LCORL: variants seen among roughly 807,000 people sequenced by gnomAD.
LCORL encodes ligand-dependent nuclear receptor corepressor-like protein.
LCORL carries 41 observed loss-of-function variants against 141.8 expected under a neutral mutation model. That is an observed-to-expected ratio of 0.29 (90% CI 0.23 to 0.38). LCORL has a LOEUF of 0.38. Among genes scored for constraint, LCORL ranks in the 10% least tolerant of loss-of-function variants. The pLI is 1.00. For missense variants in LCORL, 1,759 were observed against 2,035.0 expected, an observed-to-expected ratio of 0.86 and a Z score of 2.61; for synonymous variants, 618 against 694.1, an observed-to-expected ratio of 0.89 and a Z score of 1.72.
At chr4:17,912,393 G>T in intron 4 of LCORL, 8 of 639,274 alleles carry the variant, frequency 1.3e-5, no homozygotes, top group South Asian at 9.6e-5. Context: ...GCTCTAGGGT[G>T]ACTGCGGAGG....
At chr4:18,018,718 AATTT>A (rs1484906797) in intron 1 of LCORL, among the ~76,000 whole-genome samples, 5 of 152,190 alleles carry the variant, frequency 3.3e-5, no homozygotes, top group African/African-American at 1.2e-4. Context: ...GCTCAATACT[AATTT>A]GCTGTACAAC....
chr4:17,894,699 T>C (rs1050042235), intron 5 of LCORL, among the ~76,000 whole-genome samples: 1 of 152,174 alleles, frequency 6.6e-6, no homozygotes, highest in South Asian at 2.1e-4. Context: ...GACTTTACTA[T>C]ACACACTTGT....
intron 1 of LCORL, among the ~76,000 whole-genome samples, chr4:18,009,157 G>C (rs1723277042): frequency 6.6e-6 from 1 of 151,972 alleles, no homozygotes; most frequent in African/African-American, 2.4e-5. Flanking sequence ...TGAAAACCAT[G>C]AGTTCGCACA....
At position 17,956,080 on chromosome 4, in the gene LCORL, G is replaced by A. The variant is rs578001798; in HGVS notation, c.430+5823C>T. On this transcript the variant is annotated intron_variant, in intron 4 of 7. Coordinates refer to ENST00000635767, the Ensembl canonical transcript of LCORL. ...ATGTTCAACATCACTAATCACCAGG[G>A]AAATAAATGCAATTCAAAACCACAG... Among the ~76,000 whole-genome samples the A allele has an allele frequency of 7.2e-5, 11 of 152,106 alleles. No homozygotes were observed. The South Asian group carries it at 1.5e-3, about 20-fold the overall frequency.
chr4:17,973,346 T>C (rs1716339397), intron 1 of LCORL, among the ~76,000 whole-genome samples: 1 of 151,998 alleles, frequency 6.6e-6, no homozygotes, highest in East Asian at 1.9e-4. Context: ...ATATGATGTA[T>C]AAAATTTAAA....
intron 4 of LCORL, among the ~76,000 whole-genome samples, chr4:17,928,483 A>T (rs139454452): frequency 6.6e-6 from 1 of 152,214 alleles, no homozygotes; most frequent in Non-Finnish European, 1.5e-5. Context: ...ATACAGAACA[A>T]AAGCTACATA....
intron 1 of LCORL, among the ~76,000 whole-genome samples, chr4:18,009,898 G>C (rs140545057): frequency 6.6e-6 from 1 of 152,030 alleles, no homozygotes; most frequent in Non-Finnish European, 1.5e-5. Flanking sequence ...CTTACATGAC[G>C]ATGTGGCTCT....
At chr4:17,972,698 T>C (rs539256278) in intron 2 of LCORL, 122 bp downstream of exon 2, 1 of 369,264 alleles carries the variant, frequency 2.7e-6, no homozygotes, top group South Asian at 1.2e-4. Flanking sequence ...AATTTTAAAA[T>C]ATTTTCTAAT....
At chr4:17,876,126 T>G in exon 7 of LCORL, 1 of 1,231,010 alleles carries the variant, frequency 8.1e-7, no homozygotes, top group East Asian at 3.2e-5. Context: ...ACTAGAATAG[T>G]TGGAAACAGA....
exon 7 of LCORL, chr4:17,878,174 C>A (rs1415157308): frequency 8.9e-6 from 11 of 1,229,628 alleles, no homozygotes; most frequent in Non-Finnish European, 1.1e-5. Context: ...TTCTTTTTTC[C>A]ATTTTAGTAG....
intron 4 of LCORL, among the ~76,000 whole-genome samples, chr4:17,948,953 C>T (rs935799551): frequency 2.6e-5 from 4 of 151,888 alleles, no homozygotes; most frequent in Non-Finnish European, 5.9e-5. Flanking sequence ...GTCTAAGCAG[C>T]GTAAGGGCTG....
chr4:17,943,060 A>G (rs1738231612), intron 4 of LCORL, among the ~76,000 whole-genome samples: 1 of 152,204 alleles, frequency 6.6e-6, no homozygotes, highest in Non-Finnish European at 1.5e-5. Flanking sequence ...TTGCCTGAGA[A>G]AAATTGTCTT....
chr4:17,992,498 T>G (rs1720198794), intron 1 of LCORL, among the ~76,000 whole-genome samples: 1 of 152,220 alleles, frequency 6.6e-6, no homozygotes, highest in South Asian at 2.1e-4. Context: ...GTTTTCATAA[T>G]GAAAATACGT....
intron 4 of LCORL, among the ~76,000 whole-genome samples, chr4:17,933,842 G>A (rs1736431015): frequency 6.6e-6 from 1 of 152,020 alleles, no homozygotes; most frequent in African/African-American, 2.4e-5. Context: ...AATTAGTGGT[G>A]CATTTGAATG....
chr4:18,018,356 CA>C (rs1460650206), intron 1 of LCORL, among the ~76,000 whole-genome samples: 2 of 151,996 alleles, frequency 1.3e-5, no homozygotes, highest in Non-Finnish European at 2.9e-5. Context: ...TAACACAGTA[CA>C]GTATAGGATA....
intron 7 of LCORL, among the ~76,000 whole-genome samples, chr4:17,849,590 A>G (rs1268195661): frequency 6.6e-6 from 1 of 152,166 alleles, no homozygotes; most frequent in African/African-American, 2.4e-5. Flanking sequence ...ACAGCAGAAA[A>G]ACTGGAAACT....
At chr4:17,852,536 A>G (rs1723878251) in intron 7 of LCORL, among the ~76,000 whole-genome samples, 1 of 152,166 alleles carries the variant, frequency 6.6e-6, no homozygotes. Flanking sequence ...TGGTGAAAAG[A>G]GAAAGAAGTG....
At chr4:17,874,249 G>A (rs1203587671) in exon 7 of LCORL, 20 of 1,233,742 alleles carry the variant, frequency 1.6e-5, no homozygotes, top group Non-Finnish European at 2.0e-5. Flanking sequence ...TTTAAGAGTG[G>A]AGAGTTAGCC....
intron 4 of LCORL, among the ~76,000 whole-genome samples, chr4:17,944,608 C>G (rs1332262951): frequency 6.6e-6 from 1 of 152,048 alleles, no homozygotes; most frequent in Non-Finnish European, 1.5e-5. Flanking sequence ...CAAAATGCTC[C>G]AAGCTCATCT....
Sources: allele counts gnomAD v4.1 joint callset (sites outside exome capture counted in the v4.1 genomes callset), GRCh38; gene constraint gnomAD v4.1.1; transcripts MANE v1.5; gene names NCBI Gene and HGNC (gene_info 2026-07-23, HGNC 2026-07-21).